Variants in ZSCAN5A observed in about 807,000 individuals in gnomAD.
ZSCAN5A encodes the protein zinc finger and SCAN domain-containing protein 5A.
A neutral mutation model predicts 23.7 loss-of-function variants in ZSCAN5A; 12 were observed. The observed-to-expected ratio is 0.51, with a 90% CI of 0.32 to 0.82. The LOEUF (loss-of-function observed/expected upper bound fraction) is 0.82, where lower values mean the gene tolerates loss of function less well. Among genes scored for constraint, ZSCAN5A ranks in the 40% least tolerant of loss-of-function variants. The probability of loss-of-function intolerance (pLI) is 0.03; values close to 1 mark genes in which losing one functional copy is unlikely to be tolerated. For missense variants in ZSCAN5A, 597 were observed against 617.9 expected (o/e 0.97, Z 0.36); for synonymous variants, 257 against 239.9 (o/e 1.07, Z -0.66).
At chr19:56,237,249 G>A (rs947390450) in intron 2 of ZSCAN5A, among the ~76,000 whole-genome samples, 19 of 152,128 alleles carry the variant, frequency 1.2e-4, no homozygotes, top group African/African-American at 3.6e-4. Context: ...CGCCTAGAAC[G>A]TGGACAACTC....
At chr19:56,342,755 G>A in intron 2 of ZSCAN5A, 3 of 687,980 alleles carry the variant, frequency 4.4e-6, no homozygotes, top group East Asian at 2.5e-5. Context: ...ATCATCCAAG[G>A]CCAACCATCC....
intron 2 of ZSCAN5A, among the ~76,000 whole-genome samples, chr19:56,282,242 T>C (rs1289188377): frequency 1.3e-5 from 2 of 152,174 alleles, no homozygotes; most frequent in Non-Finnish European, 2.9e-5. Context: ...AGGGTCTGGA[T>C]TCCCCAGGCC....
At chr19:56,353,773 C>T (rs1036537033) in intron 2 of ZSCAN5A, among the ~76,000 whole-genome samples, 5 of 151,694 alleles carry the variant, frequency 3.3e-5, no homozygotes, top group African/African-American at 1.2e-4. Context: ...CAGAGCGAGA[C>T]TCTGTCTCAA....
At chr19:56,236,886 TG>T (rs1447926446) in intron 2 of ZSCAN5A, among the ~76,000 whole-genome samples, 1 of 149,680 alleles carries the variant, frequency 6.7e-6, no homozygotes, top group Non-Finnish European at 1.5e-5. Context: ...TGATGGACGG[TG>T]GGCCAAGTCT....
intron 2 of ZSCAN5A, chr19:56,321,541 G>A: frequency 1.3e-6 from 1 of 741,086 alleles, no homozygotes; most frequent in Non-Finnish European, 2.5e-6. Flanking sequence ...CTGTCTGGGT[G>A]TCTGTCTTCT....
At chr19:56,274,762 GT>G (rs36109008) in intron 2 of ZSCAN5A, 63,421 of 151,938 alleles carry the variant, frequency 0.42, 14,451 homozygotes, top group Non-Finnish European at 0.51. Flanking sequence ...TTTCAATTAA[GT>G]TTTTTGTTTT....
At chr19:56,328,602 C>G (rs138779571) in intron 2 of ZSCAN5A, among the ~76,000 whole-genome samples, 81 of 151,782 alleles carry the variant, frequency 5.3e-4, no homozygotes, top group East Asian at 4.7e-3. Flanking sequence ...CCATTGCACT[C>G]CAGCCTGGGC....
intron 2 of ZSCAN5A, chr19:56,246,766 A>C (rs61738591): frequency 0.014 from 21,946 of 1,588,726 alleles, 170 homozygotes; most frequent in Non-Finnish European, 0.016. Context: ...GAAGGAACCC[A>C]AAAAAAGAGC....
At chr19:56,294,853 G>T (rs1228400630) in intron 2 of ZSCAN5A, among the ~76,000 whole-genome samples, 1 of 152,238 alleles carries the variant, frequency 6.6e-6, no homozygotes, top group East Asian at 1.9e-4. Context: ...TGAAAACACA[G>T]TGCTCAGTCA....
At chr19:56,237,336 CCA>C (rs2146563596) in intron 2 of ZSCAN5A, among the ~76,000 whole-genome samples, 1 of 152,248 alleles carries the variant, frequency 6.6e-6, no homozygotes, top group South Asian at 2.1e-4. Context: ...TGAGGAGGAT[CCA>C]CACCGCCATT....
In ZSCAN5A at chr19:56,353,699, A is replaced by G. The variant is rs564666898; in HGVS notation, c.-358+9536T>C. On this transcript the variant is annotated intron_variant, in intron 2 of 6. Transcript: ENST00000587340. ...CGGAAGGCTGAGGCAGGAGAATGGC[A>G]TGAACCCGGGAGGCAGAGCTTGCAG... is the stretch of plus-strand genomic sequence containing the variant. 5.8e-3 allele frequency among the ~76,000 whole-genome samples: 889 copies of G among 152,116 alleles called. 3 individuals carry two copies. The highest frequency in any genetic ancestry group is 8.3e-3 in the Non-Finnish European group (567 of 67,970).
chr19:56,274,104 T>C (rs1312875603), intron 2 of ZSCAN5A, among the ~76,000 whole-genome samples: 1 of 152,178 alleles, frequency 6.6e-6, no homozygotes, highest in Non-Finnish European at 1.5e-5. Context: ...AGGCTCTCTT[T>C]ATACATACAT....
At chr19:56,225,285 A>C (rs966342567) in intron 2 of ZSCAN5A, 112 bp from the exon 3 acceptor site, 11 of 1,051,508 alleles carry the variant, frequency 1.0e-5, no homozygotes, top group Admixed American at 7.0e-5. Context: ...AATTCAGCAC[A>C]GTGGAAATCT....
At chr19:56,365,385 G>A (rs1408329879) in intron 1 of ZSCAN5A, among the ~76,000 whole-genome samples, 1 of 152,196 alleles carries the variant, frequency 6.6e-6, no homozygotes, top group Non-Finnish European at 1.5e-5. Context: ...GGGTTGGCAG[G>A]AAGTTTCTGT....
chr19:56,239,090 A>G (rs1277236570), intron 2 of ZSCAN5A, among the ~76,000 whole-genome samples: 2 of 152,260 alleles, frequency 1.3e-5, no homozygotes, highest in Non-Finnish European at 2.9e-5. Flanking sequence ...ACATAATCTT[A>G]TATCATCTTC....
At chr19:56,253,556 G>A (rs1249473170) in intron 2 of ZSCAN5A, among the ~76,000 whole-genome samples, 1 of 152,160 alleles carries the variant, frequency 6.6e-6, no homozygotes. Context: ...GTGAAGGGAC[G>A]TGAACAAGTG....
At chr19:56,343,332 T>C in intron 2 of ZSCAN5A, 1 of 609,916 alleles carries the variant, frequency 1.6e-6, no homozygotes, top group Non-Finnish European at 3.1e-6. Context: ...GCAAAGTGAA[T>C]ACCCAAAAAT....
chr19:56,344,010 G>A (rs2041613544), intron 2 of ZSCAN5A, among the ~76,000 whole-genome samples: 2 of 152,074 alleles, frequency 1.3e-5, no homozygotes, highest in African/African-American at 4.8e-5. Flanking sequence ...ATTATCTTAT[G>A]TTAATCACTT....
At chr19:56,233,950 C>G (rs1309540444) in intron 2 of ZSCAN5A, among the ~76,000 whole-genome samples, 1 of 152,130 alleles carries the variant, frequency 6.6e-6, no homozygotes, top group Non-Finnish European at 1.5e-5. Context: ...GTAACTCACG[C>G]CTGTAATCCC....
Sources: gnomAD v4.1 joint callset for allele counts (sites outside exome capture counted in the v4.1 genomes callset) on GRCh38, gnomAD v4.1.1 for gene constraint, MANE v1.5 for transcripts, NCBI Gene and HGNC (gene_info 2026-07-23, HGNC 2026-07-21) for gene names.